The following ATP6V0A4 variants were observed in gnomAD, a reference collection of about 807,000 sequenced individuals.
The protein encoded by ATP6V0A4 is V-type proton ATPase 116 kDa subunit a 4.
A neutral mutation model predicts 107.3 loss-of-function variants in ATP6V0A4; 86 were observed. That is an observed-to-expected ratio of 0.80 (90% CI 0.67 to 0.96). The LOEUF (loss-of-function observed/expected upper bound fraction) is 0.96. ATP6V0A4 is among the 40% of genes least tolerant of loss of function. The pLI, the probability that ATP6V0A4 is intolerant of heterozygous loss-of-function variation, is 0.00. For synonymous variants in ATP6V0A4, 353 were observed against 381.4 expected, an observed-to-expected ratio of 0.93 and a Z score of 0.87; for missense variants, 908 against 1,045.6, an observed-to-expected ratio of 0.87 and a Z score of 1.81.
chr7:138,758,739 A>AT (rs398006555), intron 8 of ATP6V0A4, among the ~76,000 whole-genome samples: 7 of 59,200 alleles, frequency 1.2e-4, no homozygotes, highest in Non-Finnish European at 2.0e-4. Context: ...CTGACTCAGA[A>AT]TTTTTTTTTT....
At position 138,730,910 on chromosome 7, in the gene ATP6V0A4, G is replaced by T. The variant is rs150920664; in HGVS notation, c.1908+1967C>A. Among the ~76,000 whole-genome samples, 89 of 145,398 alleles carry T rather than the reference G, an allele frequency of 6.1e-4. No homozygotes were observed. In the East Asian group the frequency reaches 0.016, roughly 26 times the overall value. ...CTCCTTATGAAAACCTGATTACAAGGCATTTTTTCTTCTTCTTCTTCTTTT... is the reference window on the plus strand; with the variant it reads ...CTCCTTATGAAAACCTGATTACAAGTCATTTTTTCTTCTTCTTCTTCTTTT... On this transcript the variant is annotated intron_variant, in intron 17 of 21. Transcript: ENST00000310018.
chr7:138,792,125 G>C (rs10252341), intron 1 of ATP6V0A4, among the ~76,000 whole-genome samples: 1 of 151,978 alleles, frequency 6.6e-6, no homozygotes, highest in Non-Finnish European at 1.5e-5. Flanking sequence ...TGGCTAACAC[G>C]GTGAAACCCC....
intron 20 of ATP6V0A4, among the ~76,000 whole-genome samples, chr7:138,712,538 G>A (rs982695980): frequency 6.6e-6 from 1 of 152,160 alleles, no homozygotes; most frequent in Non-Finnish European, 1.5e-5. Context: ...TAAATTTCTT[G>A]TATAAGTTAC....
At chr7:138,721,586 C>A (rs1804423695) in intron 19 of ATP6V0A4, among the ~76,000 whole-genome samples, 1 of 152,124 alleles carries the variant, frequency 6.6e-6, no homozygotes, top group Non-Finnish European at 1.5e-5. Flanking sequence ...GCCAAGGAGT[C>A]CTCAGTGACA....
At chr7:138,717,428 C>T (rs1458534656) in intron 19 of ATP6V0A4, among the ~76,000 whole-genome samples, 1 of 152,044 alleles carries the variant, frequency 6.6e-6, no homozygotes, top group Non-Finnish European at 1.5e-5. Context: ...CACCTGTAAT[C>T]CAGCTACTCA....
intron 21 of ATP6V0A4, among the ~76,000 whole-genome samples, chr7:138,709,208 C>CA (rs60144433): frequency 0.029 from 1,396 of 47,872 alleles, 45 homozygotes; most frequent in African/African-American, 0.047. Flanking sequence ...GAGCCTGTCT[C>CA]AAAAAAAAAA....
At chr7:138,746,596 C>T (rs1045587188) in intron 13 of ATP6V0A4, among the ~76,000 whole-genome samples, 14 of 151,986 alleles carry the variant, frequency 9.2e-5, no homozygotes, top group African/African-American at 2.9e-4. Context: ...CTCCACCTCC[C>T]GGGTTCAAGT....
rs1803492052 is a variant in ATP6V0A4 at position 138,707,358 on chromosome 7, T to TTATATTATATATATATTTATATATATAC, written c.2430-642_2430-641insGTATATATATAAATATATATATAATATA. 8.3e-5 allele frequency among the ~76,000 whole-genome samples: 9 copies of TTATATTATATATATATTTATATATATAC among 108,876 alleles called. No homozygotes were observed. The Admixed American group carries it at 1.4e-3, about 16-fold the overall frequency. The allele number at this position is 108,876 out of a possible 152,430, so 71.4% of individuals were successfully genotyped here. On this transcript the variant is annotated intron_variant, in intron 21 of 21. Coordinates refer to ENST00000310018, the MANE Select transcript of ATP6V0A4 (RefSeq NM_020632.3). ...TATAATATATATATTATAATATATA[T>TTATATTATATATATATTTATATATATAC]TATATTATATATATATTTATATATA...
At chr7:138,779,102 A>G (rs1267611480) in intron 2 of ATP6V0A4, among the ~76,000 whole-genome samples, 1 of 152,166 alleles carries the variant, frequency 6.6e-6, no homozygotes, top group Non-Finnish European at 1.5e-5. Context: ...GCATTTTGGG[A>G]GGCCAAGACA....
intron 11 of ATP6V0A4, among the ~76,000 whole-genome samples, chr7:138,752,263 G>A (rs380084): frequency 0.25 from 37,715 of 151,782 alleles, 4,896 homozygotes; most frequent in East Asian, 0.48. Context: ...CCAGCTACTC[G>A]GGAGGCTGAG....
chr7:138,709,208 C>CAAAAAAAAAAAAAAAAAAAAA, intron 21 of ATP6V0A4, among the ~76,000 whole-genome samples: 1 of 49,334 alleles, frequency 2.0e-5, no homozygotes, highest in Non-Finnish European at 3.9e-5. Context: ...GAGCCTGTCT[C>CAAAAAAAAAAAAAAAAAAAAA]AAAAAAAAAA....
chr7:138,711,364 C>T (rs561022494), intron 20 of ATP6V0A4, among the ~76,000 whole-genome samples: 58 of 152,278 alleles, frequency 3.8e-4, no homozygotes, highest in Admixed American at 1.2e-3. Context: ...CTTAGGTGTC[C>T]CTGGTCACAG....
chr7:138,713,966 G>C, intron 20 of ATP6V0A4, among the ~76,000 whole-genome samples: 1 of 150,686 alleles, frequency 6.6e-6, no homozygotes. Context: ...CGCCAAGTAT[G>C]TTGGTGTGTG....
intron 20 of ATP6V0A4, among the ~76,000 whole-genome samples, chr7:138,714,394 C>A (rs74786771): frequency 5.3e-5 from 8 of 151,974 alleles, no homozygotes; most frequent in African/African-American, 1.7e-4. Context: ...TGATTCCTGA[C>A]GTTAGGCAAC....
At chr7:138,751,582 G>T (rs899337671) in intron 11 of ATP6V0A4, among the ~76,000 whole-genome samples, 1 of 151,424 alleles carries the variant, frequency 6.6e-6, no homozygotes, top group Non-Finnish European at 1.5e-5. Context: ...TCACGGACAT[G>T]CCTCCGTGTC....
intron 21 of ATP6V0A4, among the ~76,000 whole-genome samples, chr7:138,707,808 C>G (rs997039946): frequency 4.6e-5 from 7 of 151,142 alleles, no homozygotes; most frequent in African/African-American, 1.7e-4. Flanking sequence ...GGCTCATGGT[C>G]ACAGCATAAC....
Position 138,722,022 on chromosome 7 carries a change from G to A in ATP6V0A4, c.2014C>T (p.Gln672Ter). 6.2e-7 allele frequency: 1 copy of A among 1,614,094 alleles called. No individual in the cohort carries two copies. The highest frequency in any genetic ancestry group is 8.5e-7 in the Non-Finnish European group (1 of 1,180,032). ...LRASHRKSQLQASRIQEDATE... is the reference protein window; with the variant it reads ...LRASHRKSQL Reference sequence around the variant, plus strand: ...GCATCTTCTTGGATCCTGGATGCCTGCAGCTGACAACAAGCAGGGAAATGA... The same window carrying A: ...GCATCTTCTTGGATCCTGGATGCCTACAGCTGACAACAAGCAGGGAAATGA... The change falls in exon 19 of 22, where the codon CAG (glutamine) becomes TAG (stop). Residue 672 changes from glutamine (Q) to a stop codon, truncating the protein, a stop_gained. Transcript: ENST00000310018. LOFTEE classifies it high-confidence loss of function.
intron 17 of ATP6V0A4, 126 bp downstream of exon 17, chr7:138,732,751 G>A (rs556261104): frequency 2.6e-5 from 27 of 1,057,406 alleles, no homozygotes; most frequent in African/African-American, 1.5e-4. Flanking sequence ...TCAAGATCAC[G>A]CCACTGCACT....
chr7:138,726,109 C>T (rs1478576126), intron 18 of ATP6V0A4, among the ~76,000 whole-genome samples: 1 of 152,130 alleles, frequency 6.6e-6, no homozygotes, highest in Non-Finnish European at 1.5e-5. Context: ...CCTGCCTCAG[C>T]CTCCCGAGTA....
Sources: allele counts gnomAD v4.1 joint callset (sites outside exome capture counted in the v4.1 genomes callset), GRCh38; gene constraint gnomAD v4.1.1; transcripts MANE v1.5; gene names NCBI Gene and HGNC (gene_info 2026-07-23, HGNC 2026-07-21).